SFMBT2: variants seen among roughly 807,000 people sequenced by gnomAD.
SFMBT2 encodes the protein scm-like with four MBT domains protein 2.
Under a neutral mutation model 110.1 loss-of-function variants are expected in SFMBT2, and 38 were observed. The observed-to-expected ratio is 0.35, with a 90% CI of 0.27 to 0.45. The LOEUF (loss-of-function observed/expected upper bound fraction) is 0.45, where lower values mean the gene tolerates loss of function less well. SFMBT2 is among the 20% of genes least tolerant of loss of function. SFMBT2 has a pLI of 1.00. For synonymous variants in SFMBT2, 425 were observed against 425.4 expected (o/e 1.00, Z 0.01); for missense variants, 1,011 against 1,094.9 (o/e 0.92, Z 1.08).
At position 7,197,676 on chromosome 10, in the gene SFMBT2, C is replaced by T. The variant is rs759419503; in HGVS notation, c.1570G>A (p.Gly524Arg). ...AAGAGCTGAGGACAGCAGTATTTCC[C>T]GTTGACGGTTCCTGCAGGGGACAGC... is the stretch of plus-strand genomic sequence containing the variant. ...PHLDTTGTVNGKYCCPQLFIN... is the reference protein window; with the variant it reads ...PHLDTTGTVNRKYCCPQLFIN... Residue 524 changes from glycine (G) to arginine (R), a missense_variant, in exon 15 of 21, where the codon GGG becomes AGG. Transcript: ENST00000397167. 3 of 1,613,980 alleles carry T rather than the reference C, an allele frequency of 1.9e-6. No homozygotes were observed. Among genetic ancestry groups the T allele is most frequent in the East Asian group, 4.5e-5 (2 of 44,886 alleles).
intron 11 of SFMBT2, among the ~76,000 whole-genome samples, chr10:7,210,333 A>G (rs1839300109): frequency 6.6e-6 from 1 of 152,124 alleles, no homozygotes. Context: ...AAAATTATGT[A>G]ATTACTTCAC....
Position 7,171,200 on chromosome 10 carries a change from A to G in SFMBT2, c.2416-144T>C. 1 of 1,423,560 alleles carries G rather than the reference A, an allele frequency of 7.0e-7. No individual in the cohort carries two copies. Among genetic ancestry groups the G allele is most frequent in the Middle Eastern group, 2.1e-4 (1 of 4,764 alleles). The allele number at this position is 1,423,560 out of a possible 1,614,324, so 88.2% of individuals were successfully genotyped here. On this transcript the variant is annotated intron_variant, in intron 19 of 20. Coordinates refer to ENST00000397167, the MANE Select transcript of SFMBT2 (RefSeq NM_001387889.1). The surrounding 1 kb of genome is among the most constrained non-coding windows in gnomAD (Gnocchi z 4.9). ...CACTGGGCACCTGAAAAAGCTGCAC[A>G]CACTCTCAGTCCCTGAGAAAGTTCT... is the stretch of plus-strand genomic sequence containing the variant.
chr10:7,201,879 C>T (rs763504926), intron 13 of SFMBT2, among the ~76,000 whole-genome samples: 5 of 152,224 alleles, frequency 3.3e-5, no homozygotes, highest in Non-Finnish European at 5.9e-5. Flanking sequence ...AAATGGGGGA[C>T]AGGGCATAAT....
intron 4 of SFMBT2, among the ~76,000 whole-genome samples, chr10:7,362,392 G>A (rs1844751322): frequency 6.6e-6 from 1 of 152,140 alleles, no homozygotes; most frequent in Non-Finnish European, 1.5e-5. Context: ...TTAATTCACA[G>A]CTTACATTAA....
chr10:7,275,327 T>C (rs1246418443), intron 7 of SFMBT2, among the ~76,000 whole-genome samples: 7 of 152,204 alleles, frequency 4.6e-5, no homozygotes, highest in African/African-American at 1.7e-4. Flanking sequence ...CATTCAAAGA[T>C]GACTGAGGCC....
Position 7,268,136 on chromosome 10 carries a change from C to T in SFMBT2, c.870+8756G>A, listed in dbSNP as rs1302437331. ...TATGGAGGCTCGTAAATGTCAGACACGTGACATGTTACAATTACTGATAGG... is the reference window on the plus strand; with the variant it reads ...TATGGAGGCTCGTAAATGTCAGACATGTGACATGTTACAATTACTGATAGG... On this transcript the variant is annotated intron_variant, in intron 7 of 20. Transcript: ENST00000397167. 3.3e-5 allele frequency among the ~76,000 whole-genome samples: 5 copies of T among 152,130 alleles called. No homozygotes were observed. The East Asian group carries it at 7.7e-4, about 23-fold the overall frequency.
At chr10:7,295,929 T>TCAGA (rs769620429) in intron 4 of SFMBT2, among the ~76,000 whole-genome samples, 1 of 152,204 alleles carries the variant, frequency 6.6e-6, no homozygotes, top group Non-Finnish European at 1.5e-5. Flanking sequence ...ACCTAACGCT[T>TCAGA]TCTCTGAAGT....
rs111351746 is a variant in SFMBT2, at chr10:7,192,582, C to T, written c.1699-3849G>A. Among the ~76,000 whole-genome samples, 1,380 of 152,280 alleles carry T rather than the reference C, an allele frequency of 9.1e-3. 29 individuals are homozygous for T. Among genetic ancestry groups the T allele is most frequent in the African/African-American group, 0.031 (1,293 of 41,552 alleles). Reference sequence around the variant, plus strand: ...AATTCAAACAGCACATGACAGACTCCCCAGATGTGAGAACCAGACACCCCA... The same window carrying T: ...AATTCAAACAGCACATGACAGACTCTCCAGATGTGAGAACCAGACACCCCA... On this transcript the variant is annotated intron_variant, in intron 15 of 20. Transcript: ENST00000397167.
At chr10:7,300,720 C>T (rs896348868) in intron 4 of SFMBT2, among the ~76,000 whole-genome samples, 1 of 152,238 alleles carries the variant, frequency 6.6e-6, no homozygotes, top group Non-Finnish European at 1.5e-5. Context: ...TCGTCTCTGG[C>T]ACTGAGCAGA....
chr10:7,335,364 A>G (rs4748830), intron 4 of SFMBT2, among the ~76,000 whole-genome samples: 59,870 of 151,912 alleles, frequency 0.39, 12,726 homozygotes, highest in African/African-American at 0.57. Flanking sequence ...ATCCAACTAT[A>G]TCACACTATC....
At chr10:7,382,186 G>T (rs777176796) in intron 1 of SFMBT2, among the ~76,000 whole-genome samples, 1 of 152,114 alleles carries the variant, frequency 6.6e-6, no homozygotes, top group Non-Finnish European at 1.5e-5. Flanking sequence ...GAGGTGGGTG[G>T]ATCACTTGAG....
At chr10:7,292,751 T>TC (rs1842296621) in intron 4 of SFMBT2, among the ~76,000 whole-genome samples, 1 of 152,188 alleles carries the variant, frequency 6.6e-6, no homozygotes, top group Non-Finnish European at 1.5e-5. Context: ...GTGCGATGGC[T>TC]CATGCCTGTA....
At chr10:7,349,440 C>CTATTTTTTTTTTT (rs1844233350) in intron 4 of SFMBT2, among the ~76,000 whole-genome samples, 1 of 46,888 alleles carries the variant, frequency 2.1e-5, no homozygotes, top group Non-Finnish European at 3.5e-5. Flanking sequence ...CTTTTCTTTT[C>CTATTTTTTTTTTT]TTTTTTTTTT....
chr10:7,339,284 T>C (rs974734763), intron 4 of SFMBT2, among the ~76,000 whole-genome samples: 1 of 152,186 alleles, frequency 6.6e-6, no homozygotes, highest in Admixed American at 6.5e-5. Context: ...TATTGGCTTT[T>C]TAATGAAAAC....
intron 11 of SFMBT2, among the ~76,000 whole-genome samples, chr10:7,213,254 A>C (rs1333378717): frequency 1.4e-5 from 2 of 145,970 alleles, no homozygotes; most frequent in Admixed American, 1.4e-4. Context: ...AATAAAAAAA[A>C]TTAAGAAAAA....
intron 4 of SFMBT2, among the ~76,000 whole-genome samples, chr10:7,363,720 C>T (rs535092784): frequency 6.8e-4 from 104 of 152,206 alleles, no homozygotes; most frequent in Middle Eastern, 3.4e-3. Context: ...ACTAATACCC[C>T]CCTCATGCAA....
At chr10:7,311,024 G>A (rs1246256432) in intron 4 of SFMBT2, among the ~76,000 whole-genome samples, 29 of 125,894 alleles carry the variant, frequency 2.3e-4, no homozygotes, top group African/African-American at 8.4e-4. Flanking sequence ...TCTAGCCTAG[G>A]CAACAAGAGA....
rs533828017 is a variant in SFMBT2 at position 7,169,031 on chromosome 10, C to T, written c.2544+1897G>A. ...AGGCTGGAGTGCAGTGACACGATCT[C>T]GGCTCACTGCTACCTCTCCCTCCCA... On this transcript the variant is annotated intron_variant, in intron 20 of 20. Transcript: ENST00000397167. Among the ~76,000 whole-genome samples, 19 of 152,240 alleles carry T rather than the reference C, an allele frequency of 1.2e-4. No individual in the cohort carries two copies. The South Asian group carries it at 2.1e-3, about 17-fold the overall frequency.
intron 2 of SFMBT2, among the ~76,000 whole-genome samples, chr10:7,381,038 A>T: frequency 6.6e-6 from 1 of 151,872 alleles, no homozygotes. Flanking sequence ...AACAGGTGAG[A>T]TCCTGTCTCA....
Sources: gnomAD v4.1 joint callset for allele counts (sites outside exome capture counted in the v4.1 genomes callset) on GRCh38, gnomAD v4.1.1 for gene constraint, Gnocchi (gnomAD v3.1) non-coding constraint, MANE v1.5 for transcripts, NCBI Gene and HGNC (gene_info 2026-07-23, HGNC 2026-07-21) for gene names.